SRGAP3: variants seen among roughly 807,000 people sequenced by gnomAD.
SRGAP3 encodes the protein SLIT-ROBO Rho GTPase-activating protein 3.
Under a neutral mutation model 121.1 loss-of-function variants are expected in SRGAP3, and 39 were observed. That is an observed-to-expected ratio of 0.32 (90% confidence interval 0.25 to 0.42). The LOEUF is 0.42. Among genes scored for constraint, SRGAP3 ranks in the 10% least tolerant of loss-of-function variants. The probability of loss-of-function intolerance (pLI) is 1.00; values close to 1 mark genes in which losing one functional copy is unlikely to be tolerated. For synonymous variants in SRGAP3, 601 were observed against 570.0 expected (o/e 1.05, Z -0.77); for missense variants, 1,213 against 1,470.6 (o/e 0.82, Z 2.86).
At chr3:9,132,258 C>T (rs1048185697) in intron 1 of SRGAP3, among the ~76,000 whole-genome samples, 1 of 152,198 alleles carries the variant, frequency 6.6e-6, no homozygotes, top group Non-Finnish European at 1.5e-5. Flanking sequence ...TACTGACACA[C>T]CAAAGTCTGT....
At chr3:9,031,640 T>C (rs1253837585) in intron 12 of SRGAP3, among the ~76,000 whole-genome samples, 2 of 152,186 alleles carry the variant, frequency 1.3e-5, no homozygotes, top group East Asian at 3.9e-4. Flanking sequence ...CAAACTCATA[T>C]ATCCAGTCTT....
chr3:9,269,393 C>G (rs913645999), intron 3 of SRGAP3, among the ~76,000 whole-genome samples: 1 of 152,174 alleles, frequency 6.6e-6, no homozygotes, highest in Non-Finnish European at 1.5e-5. Flanking sequence ...GACAGTGTCT[C>G]CTGCAGAGCC....
At chr3:9,213,771 T>A (rs1356346191) in intron 1 of SRGAP3, among the ~76,000 whole-genome samples, 5 of 152,230 alleles carry the variant, frequency 3.3e-5, no homozygotes, top group Non-Finnish European at 7.3e-5. Context: ...CTTGTGACAT[T>A]CTCTGCCTCG....
intron 1 of SRGAP3, among the ~76,000 whole-genome samples, chr3:9,214,753 G>T (rs1408786194): frequency 6.6e-6 from 1 of 152,038 alleles, no homozygotes; most frequent in Non-Finnish European, 1.5e-5. Context: ...GGAATTTGGG[G>T]GTAAGAGAAA....
intron 1 of SRGAP3, among the ~76,000 whole-genome samples, chr3:9,161,386 T>A (rs539450484): frequency 6.6e-6 from 1 of 152,230 alleles, no homozygotes; most frequent in Non-Finnish European, 1.5e-5. Context: ...CAGCTCCTGG[T>A]TCCTGGGTGC....
At chr3:9,291,098 G>A (rs1954861226) in intron 3 of SRGAP3, among the ~76,000 whole-genome samples, 1 of 152,126 alleles carries the variant, frequency 6.6e-6, no homozygotes, top group African/African-American at 2.4e-5. Context: ...GAAAAGGAGT[G>A]CAATAAAATT....
intron 3 of SRGAP3, among the ~76,000 whole-genome samples, chr3:9,287,630 C>T (rs971214570): frequency 2.0e-5 from 3 of 152,074 alleles, no homozygotes; most frequent in African/African-American, 7.2e-5. Flanking sequence ...GTGCAGTAAG[C>T]GTTGAAAAAC....
chr3:9,269,555 A>G (rs1954434078), intron 3 of SRGAP3, among the ~76,000 whole-genome samples: 1 of 152,220 alleles, frequency 6.6e-6, no homozygotes. Context: ...CACCTGCTAT[A>G]AATGAGACAA....
At chr3:9,197,845 C>T (rs1951959394) in intron 1 of SRGAP3, among the ~76,000 whole-genome samples, 1 of 152,202 alleles carries the variant, frequency 6.6e-6, no homozygotes, top group South Asian at 2.1e-4. Context: ...TCCTTCACAG[C>T]CATGGGACTT....
chr3:9,355,407 G>A (rs2030441686), intron 1 of SRGAP3, among the ~76,000 whole-genome samples: 1 of 152,202 alleles, frequency 6.6e-6, no homozygotes, highest in South Asian at 2.1e-4. Context: ...TAATTTGTGA[G>A]ACACTGACTT....
At chr3:9,088,270 C>T (rs1266120262) in intron 3 of SRGAP3, among the ~76,000 whole-genome samples, 1 of 152,128 alleles carries the variant, frequency 6.6e-6, no homozygotes, top group Admixed American at 6.6e-5. Context: ...CAGTGGAAAA[C>T]GGTGACATGG....
intron 11 of SRGAP3, chr3:9,037,079 G>A (rs1277419683): frequency 6.6e-6 from 1 of 152,162 alleles, no homozygotes; most frequent in Admixed American, 6.5e-5. Flanking sequence ...CAAGGAGCAG[G>A]AGAGAGTTGG....
intron 2 of SRGAP3, among the ~76,000 whole-genome samples, chr3:9,117,116 A>G (rs181458511): frequency 2.2e-4 from 33 of 152,340 alleles, no homozygotes; most frequent in Admixed American, 2.1e-3. Flanking sequence ...CTTGATACCA[A>G]TCGCAGTAAT....
At chr3:9,093,082 T>A (rs1947821961) in intron 3 of SRGAP3, among the ~76,000 whole-genome samples, 1 of 152,150 alleles carries the variant, frequency 6.6e-6, no homozygotes, top group Non-Finnish European at 1.5e-5. Flanking sequence ...AAAGCCAGTA[T>A]CTATGAAAAC....
At chr3:9,110,883 C>T (rs1948599310) in intron 2 of SRGAP3, among the ~76,000 whole-genome samples, 1 of 152,248 alleles carries the variant, frequency 6.6e-6, no homozygotes, top group African/African-American at 2.4e-5. Context: ...TGGGACTCAG[C>T]ACAGCAGTAG....
At chr3:9,259,889 A>G (rs990815833) in intron 3 of SRGAP3, among the ~76,000 whole-genome samples, 2 of 151,658 alleles carry the variant, frequency 1.3e-5, no homozygotes, top group Non-Finnish European at 2.9e-5. Flanking sequence ...AACAGCTCTG[A>G]TCTGCAGCTC....
At chr3:9,282,750 G>A (rs1349467791) in intron 3 of SRGAP3, among the ~76,000 whole-genome samples, 4 of 152,090 alleles carry the variant, frequency 2.6e-5, no homozygotes, top group African/African-American at 9.7e-5. Context: ...CCAAAGTGCT[G>A]GGATTACAGG....
At chr3:9,146,502 G>T (rs1284869690) in intron 1 of SRGAP3, among the ~76,000 whole-genome samples, 5 of 152,230 alleles carry the variant, frequency 3.3e-5, no homozygotes, top group African/African-American at 1.2e-4. Flanking sequence ...CAGTCTGGGA[G>T]AAGAAGTGGC....
chr3:9,126,592 G>C (rs1438799535), intron 1 of SRGAP3, among the ~76,000 whole-genome samples: 1 of 151,798 alleles, frequency 6.6e-6, no homozygotes, highest in African/African-American at 2.4e-5. Flanking sequence ...CTCCAGCCTG[G>C]GCGACAGAGC....
Sources: allele counts gnomAD v4.1 joint callset (sites outside exome capture counted in the v4.1 genomes callset), GRCh38; gene constraint gnomAD v4.1.1; transcripts MANE v1.5; gene names NCBI Gene and HGNC (gene_info 2026-07-23, HGNC 2026-07-21).